Variants in PNLIPRP3 observed in about 807,000 individuals in gnomAD.
PNLIPRP3 encodes pancreatic lipase-related protein 3.
A neutral mutation model predicts 52.8 loss-of-function variants in PNLIPRP3; 58 were observed. That is an observed-to-expected ratio of 1.10 (90% CI 0.89 to 1.37). The LOEUF (loss-of-function observed/expected upper bound fraction) is 1.37, where lower values mean the gene tolerates loss of function less well. PNLIPRP3 is among the 40% of genes most tolerant of loss of function. The pLI is 0.00. For missense variants in PNLIPRP3, 593 were observed against 561.6 expected (o/e 1.06, Z -0.57); for synonymous variants, 192 against 185.0 (o/e 1.04, Z -0.31).
intron 8 of PNLIPRP3, 115 bp from the exon 9 acceptor site, chr10:116,469,070 C>A: frequency 1.8e-6 from 2 of 1,082,282 alleles, no homozygotes; most frequent in Non-Finnish European, 1.3e-6. Context: ...TTTTAAAATG[C>A]ATATCCTTTA....
Position 116,461,082 on chromosome 10 carries a change from C to T in PNLIPRP3, c.682C>T (p.Leu228Phe), listed in dbSNP as rs1323386621. The T allele has an allele frequency of 2.5e-6, 4 of 1,614,040 alleles. No homozygotes were observed. Among genetic ancestry groups the T allele is most frequent in the Non-Finnish European group, 3.4e-6 (4 of 1,180,050 alleles). The change falls in exon 6 of 12, where the codon CTT (leucine) becomes TTT (phenylalanine). Residue 228 changes from leucine to phenylalanine, a missense_variant. By Grantham distance (22) the Leu-to-Phe change is conservative (BLOSUM62 0). Coordinates refer to ENST00000369230, the MANE Select transcript of PNLIPRP3 (RefSeq NM_001011709.3). ...HTNAARILFE[L>F]GVGTIDACGH... ...AAATGCAGCTCGCATCCTCTTTGAG[C>T]TTGGTAAGTTTTAACAGAATCAGAA...
intron 9 of PNLIPRP3, among the ~76,000 whole-genome samples, chr10:116,469,796 G>A (rs1348780688): frequency 6.6e-6 from 1 of 152,196 alleles, no homozygotes; most frequent in Non-Finnish European, 1.5e-5. Context: ...AGGGCCTTGT[G>A]TCCCAAGTGG....
rs145432450 is a variant in PNLIPRP3 at position 116,467,737 on chromosome 10, T to C, written c.928-1448T>C. ...AATTTGAAATTTACATTGATGTAGA[T>C]AGATCTAATGTATTTATTTTATAGG... On this transcript the variant is annotated intron_variant, in intron 8 of 11. Transcript: ENST00000369230. Among the ~76,000 whole-genome samples, 1,215 of 152,282 alleles carry C rather than the reference T, an allele frequency of 8.0e-3. 17 individuals carry two copies. The highest frequency in any genetic ancestry group is 0.028 in the African/African-American group (1,150 of 41,580).
chr10:116,449,122 G>A (rs573546456), intron 4 of PNLIPRP3, among the ~76,000 whole-genome samples: 1 of 152,188 alleles, frequency 6.6e-6, no homozygotes, highest in East Asian at 1.9e-4. Flanking sequence ...GAGTCCAAAG[G>A]TTTGAAGGTA....
intron 1 of PNLIPRP3, among the ~76,000 whole-genome samples, chr10:116,430,004 C>T (rs1391879931): frequency 2.0e-5 from 3 of 152,088 alleles, no homozygotes; most frequent in Non-Finnish European, 4.4e-5. Context: ...TAGGAATGAT[C>T]CAGCAGAGAG....
chr10:116,439,970 C>A, intron 2 of PNLIPRP3: 1 of 824,538 alleles, frequency 1.2e-6, no homozygotes, highest in Non-Finnish European at 2.2e-6. Flanking sequence ...TTCTTATGTT[C>A]TTCTCTGCAC....
chr10:116,461,641 C>T (rs1008143849), intron 7 of PNLIPRP3, among the ~76,000 whole-genome samples: 1 of 152,132 alleles, frequency 6.6e-6, no homozygotes, highest in African/African-American at 2.4e-5. Flanking sequence ...GACAAAGGTG[C>T]CTCCCTGATG....
chr10:116,428,688 A>G (rs1845669830), intron 1 of PNLIPRP3, among the ~76,000 whole-genome samples: 1 of 152,146 alleles, frequency 6.6e-6, no homozygotes, highest in South Asian at 2.1e-4. Flanking sequence ...GTAAGGAGTT[A>G]GTGATTTTGG....
At chr10:116,429,663 C>G (rs1446539227) in intron 1 of PNLIPRP3, among the ~76,000 whole-genome samples, 1 of 152,186 alleles carries the variant, frequency 6.6e-6, no homozygotes, top group Non-Finnish European at 1.5e-5. Flanking sequence ...TTGCATGATT[C>G]TCCTGCCCCA....
At chr10:116,467,199 G>A (rs998993130) in intron 8 of PNLIPRP3, among the ~76,000 whole-genome samples, 2 of 152,110 alleles carry the variant, frequency 1.3e-5, no homozygotes, top group South Asian at 2.1e-4. Flanking sequence ...TTTCCTTGAC[G>A]TACTTTATTG....
chr10:116,469,922 CA>C (rs1280567949), intron 9 of PNLIPRP3, among the ~76,000 whole-genome samples: 1 of 141,900 alleles, frequency 7.0e-6, no homozygotes, highest in Non-Finnish European at 1.5e-5. Flanking sequence ...TAGAAGGCCA[CA>C]AGATGGAAGC....
chr10:116,453,634 C>T (rs1358001911), intron 4 of PNLIPRP3, among the ~76,000 whole-genome samples: 3 of 151,970 alleles, frequency 2.0e-5, no homozygotes, highest in East Asian at 1.9e-4. Flanking sequence ...AGTACTTGCT[C>T]GGTTAGTTCA....
intron 4 of PNLIPRP3, among the ~76,000 whole-genome samples, 199 bp downstream of exon 4, chr10:116,444,712 A>G (rs540471225): frequency 2.6e-5 from 4 of 152,334 alleles, no homozygotes; most frequent in African/African-American, 7.2e-5. Context: ...AAGCACCACT[A>G]GGTGGCAGTG....
At chr10:116,461,435 C>T (rs1317672043) in intron 7 of PNLIPRP3, 145 bp downstream of exon 7, 5 of 1,004,360 alleles carry the variant, frequency 5.0e-6, no homozygotes, top group Non-Finnish European at 7.1e-6. Flanking sequence ...GCTCTCCCAC[C>T]TGTTCTCAGA....
chr10:116,468,388 T>A (rs1846314057), intron 8 of PNLIPRP3, among the ~76,000 whole-genome samples: 1 of 152,140 alleles, frequency 6.6e-6, no homozygotes, highest in Admixed American at 6.5e-5. Context: ...AACCAAGTCA[T>A]CCTGATTTTC....
At position 116,469,307 on chromosome 10, in the gene PNLIPRP3, C is replaced by A; in HGVS notation, c.1050C>A (p.Ser350=). 6.2e-7 allele frequency: 1 copy of A among 1,602,502 alleles called. No individual in the cohort carries two copies. The highest frequency in any genetic ancestry group is 8.5e-7 in the Non-Finnish European group (1 of 1,175,670). Residue 350 remains serine, a synonymous_variant, in exon 9 of 12, where the codon TCC becomes TCA. Transcript: ENST00000369230. Reference sequence around the variant, plus strand: ...ATTTTTTAAACACAGGGTCCCTTTCCCCATTTGCCCGTAAGTATCATAGCT... The same window carrying A: ...ATTTTTTAAACACAGGGTCCCTTTCACCATTTGCCCGTAAGTATCATAGCT... The part of the protein sequence containing the change: ...SHYFLNTGSL[S]PFARWRHKLS...
At chr10:116,448,662 C>T (rs1376052983) in intron 4 of PNLIPRP3, among the ~76,000 whole-genome samples, 8 of 152,070 alleles carry the variant, frequency 5.3e-5, no homozygotes. Context: ...GCCTGGGCAA[C>T]ATAGTGAGAC....
chr10:116,470,542 C>T (rs1435968635), intron 9 of PNLIPRP3, among the ~76,000 whole-genome samples: 2 of 148,330 alleles, frequency 1.3e-5, no homozygotes, highest in African/African-American at 5.0e-5. Flanking sequence ...TGGAGTCTTG[C>T]TCTGTCGCCC....
Position 116,443,811 on chromosome 10 carries a change from A to G in PNLIPRP3, c.325-571A>G, listed in dbSNP as rs1266183324. ...TATGTATGTGTGTGTGCATATATAT[A>G]TATATATATATATATATATATATAT... On this transcript the variant is annotated intron_variant, in intron 3 of 11. Transcript: ENST00000369230. 0.014 allele frequency among the ~76,000 whole-genome samples: 106 copies of G among 7,374 alleles called. No homozygotes were observed. The Non-Finnish European group carries it at 0.19, about 13-fold the overall frequency. The allele number at this position is 7,374 out of a possible 152,430, so 4.8% of individuals were successfully genotyped here. A position where few individuals can be genotyped will look rare whatever the true frequency, so the allele number is the denominator to read the frequency against.
Sources: gnomAD v4.1 joint callset for allele counts (sites outside exome capture counted in the v4.1 genomes callset) on GRCh38, gnomAD v4.1.1 for gene constraint, MANE v1.5 for transcripts, NCBI Gene and HGNC (gene_info 2026-07-23, HGNC 2026-07-21) for gene names.